The following STAT4 variants were observed in gnomAD, a reference collection of about 807,000 sequenced individuals.
STAT4 encodes signal transducer and activator of transcription 4.
Under a neutral mutation model 110.5 loss-of-function variants are expected in STAT4, and 42 were observed. The ratio of observed to expected loss-of-function variants is 0.38; its 90% confidence interval spans 0.30 to 0.49. The LOEUF (loss-of-function observed/expected upper bound fraction) is 0.49, where lower values mean the gene tolerates loss of function less well. Ranked by LOEUF, STAT4 falls within the 20% of genes least tolerant of loss-of-function variation. The pLI, the probability that STAT4 is intolerant of heterozygous loss-of-function variation, is 0.95. For missense variants in STAT4, 632 were observed against 887.9 expected, an observed-to-expected ratio of 0.71 and a Z score of 3.66; for synonymous variants, 284 against 302.2, an observed-to-expected ratio of 0.94 and a Z score of 0.63.
intron 3 of STAT4, among the ~76,000 whole-genome samples, chr2:191,108,722 TG>T (rs1698347006): frequency 2.0e-5 from 3 of 152,364 alleles, no homozygotes; most frequent in South Asian, 2.1e-4. Context: ...GTGCATGCTC[TG>T]GGACCGTGAT....
chr2:191,071,667 A>C (rs1192711864), intron 5 of STAT4, among the ~76,000 whole-genome samples: 1 of 152,216 alleles, frequency 6.6e-6, no homozygotes, highest in African/African-American at 2.4e-5. Flanking sequence ...ATGATCTGAG[A>C]GCTACATTCC....
rs1300939787 is a variant in STAT4, at chr2:191,107,239, A to C, written c.274-30914T>G. On this transcript the variant is annotated intron_variant, in intron 3 of 23. Coordinates refer to ENST00000392320, the MANE Select transcript of STAT4 (RefSeq NM_003151.4). The surrounding 1 kb of genome is among the most constrained non-coding windows in gnomAD (Gnocchi z 4.2). ...TCATTTTATCCCCAGGGTCAAACCT[A>C]GCATGCTGACCTCAATATGTACTTG... 2.0e-5 allele frequency among the ~76,000 whole-genome samples: 3 copies of C among 152,216 alleles called. No homozygotes were observed. Among genetic ancestry groups the C allele is most frequent in the Non-Finnish European group, 2.9e-5 (2 of 68,032 alleles).
chr2:191,108,871 A>T (rs1184466347), intron 3 of STAT4, among the ~76,000 whole-genome samples: 1 of 152,222 alleles, frequency 6.6e-6, no homozygotes, highest in Non-Finnish European at 1.5e-5. Context: ...TTCACTAACA[A>T]AACAGTTTTT....
intron 3 of STAT4, among the ~76,000 whole-genome samples, chr2:191,141,356 C>T (rs1205114280): frequency 2.0e-5 from 3 of 150,052 alleles, no homozygotes; most frequent in Non-Finnish European, 3.0e-5. Context: ...ATCTTACCCC[C>T]GTTAAAATGG....
rs1696797235 is a variant in STAT4, at chr2:191,059,651, C to A, written c.1035-882G>T. ...TCTACATAAAAGGAGGGAGTCCAGG[C>A]ACACAAATGGAAAACAGAGAATATG... On this transcript the variant is annotated intron_variant, in intron 10 of 23. Transcript: ENST00000392320. The surrounding 1 kb of genome is among the most constrained non-coding windows in gnomAD (Gnocchi z 4.7). 6.6e-6 allele frequency among the ~76,000 whole-genome samples: 1 copy of A among 152,158 alleles called. No homozygotes were observed. The highest frequency in any genetic ancestry group is 2.1e-4 in the South Asian group (1 of 4,824).
chr2:191,133,528 T>G (rs983319140), intron 3 of STAT4, among the ~76,000 whole-genome samples: 10 of 151,602 alleles, frequency 6.6e-5, no homozygotes, highest in African/African-American at 2.4e-4. Context: ...CATATATACA[T>G]GTATAAGGGG....
chr2:191,063,838 T>C (rs1032259998), intron 8 of STAT4, among the ~76,000 whole-genome samples: 1 of 152,228 alleles, frequency 6.6e-6, no homozygotes, highest in Non-Finnish European at 1.5e-5. Context: ...GTCAAACTCC[T>C]TACATTTCTT....
chr2:191,136,031 C>CAAAA (rs1419532476), intron 3 of STAT4, among the ~76,000 whole-genome samples: 1 of 124,300 alleles, frequency 8.0e-6, no homozygotes. Context: ...AACCAAAAAA[C>CAAAA]AAAAAACCAA....
rs1697800984 is a variant in STAT4, at chr2:191,091,727, G to A, written c.274-15402C>T. ...ATTTAATGAACTCTCAAAACTGTTTGTGATAAATGCTGTCATCCTGAGTAT... is the reference window on the plus strand; with the variant it reads ...ATTTAATGAACTCTCAAAACTGTTTATGATAAATGCTGTCATCCTGAGTAT... On this transcript the variant is annotated intron_variant, in intron 3 of 23. Transcript: ENST00000392320. The surrounding 1 kb of genome is among the most constrained non-coding windows in gnomAD (Gnocchi z 5.4). Among the ~76,000 whole-genome samples the A allele has an allele frequency of 6.6e-6, 1 of 152,128 alleles. No homozygotes were observed. Among genetic ancestry groups the A allele is most frequent in the Non-Finnish European group, 1.5e-5 (1 of 68,028 alleles).
intron 3 of STAT4, among the ~76,000 whole-genome samples, chr2:191,120,603 A>G (rs1698697549): frequency 6.6e-6 from 1 of 152,018 alleles, no homozygotes; most frequent in African/African-American, 2.4e-5. Context: ...ATTGGTCTAT[A>G]TCTCTGTTTT....
intron 3 of STAT4, among the ~76,000 whole-genome samples, chr2:191,141,549 A>T (rs906228850): frequency 2.0e-5 from 3 of 147,194 alleles, no homozygotes; most frequent in African/African-American, 7.4e-5. Flanking sequence ...TGATATATAT[A>T]TTTTTATATA....
chr2:191,145,401 C>T (rs1020292706), intron 3 of STAT4, among the ~76,000 whole-genome samples: 11 of 152,082 alleles, frequency 7.2e-5, no homozygotes, highest in African/African-American at 2.7e-4. Flanking sequence ...TGAAAATGGG[C>T]AGTGGCCTTT....
Position 191,054,492 on chromosome 2 carries a change from C to A in STAT4, c.1249G>T (p.Glu417Ter). ...MKSSAGGKGNEGCHMVTEELH... is the reference protein window; with the variant it reads ...MKSSAGGKGN ...CTATAGGAGAAAACATTTCCTACCT[C>A]ATTTCCTTTACCTCCAGCACTGGAC... is the stretch of plus-strand genomic sequence containing the variant. The change falls in exon 14 of 24, where the codon GAG becomes TAG. Residue 417 changes from glutamate (E) to a stop codon, truncating the protein, a stop_gained and splice_region_variant. Coordinates refer to ENST00000392320, the MANE Select transcript of STAT4 (RefSeq NM_003151.4). LOFTEE classifies it high-confidence loss of function. 1 of 1,611,030 alleles carries A rather than the reference C, an allele frequency of 6.2e-7. No homozygotes were observed. The highest frequency in any genetic ancestry group is 1.1e-5 in the South Asian group (1 of 90,126).
Position 191,090,616 on chromosome 2 carries a change from A to G in STAT4, c.274-14291T>C, listed in dbSNP as rs937048539. On this transcript the variant is annotated intron_variant, in intron 3 of 23. Transcript: ENST00000392320. This position sits in a 1 kb window ranked among gnomAD's most constrained non-coding sequence, Gnocchi z 4.2. ...GCTTCTGTTGCCCAGACTGGAGTGCAGTGGCGCGATCTCCGCCCACTGCAA... is the reference window on the plus strand; with the variant it reads ...GCTTCTGTTGCCCAGACTGGAGTGCGGTGGCGCGATCTCCGCCCACTGCAA... Among the ~76,000 whole-genome samples, 1 of 152,130 alleles carries G rather than the reference A, an allele frequency of 6.6e-6. No individual in the cohort carries two copies. Among genetic ancestry groups the G allele is most frequent in the Non-Finnish European group, 1.5e-5 (1 of 68,016 alleles).
rs994942737 is a variant in STAT4 at position 191,083,098 on chromosome 2, G to C, written c.274-6773C>G. Among the ~76,000 whole-genome samples the C allele has an allele frequency of 6.6e-6, 1 of 152,178 alleles. No homozygotes were observed. The highest frequency in any genetic ancestry group is 1.5e-5 in the Non-Finnish European group (1 of 68,034). ...ACCAAAGGGGATATAGGATTCTGAGGAAACACATAACCAACAACTGTCCTA... is the reference window on the plus strand; with the variant it reads ...ACCAAAGGGGATATAGGATTCTGAGCAAACACATAACCAACAACTGTCCTA... On this transcript the variant is annotated intron_variant, in intron 3 of 23. Coordinates refer to ENST00000392320, the MANE Select transcript of STAT4 (RefSeq NM_003151.4). The surrounding 1 kb of genome is among the most constrained non-coding windows in gnomAD (Gnocchi z 4.6).
intron 3 of STAT4, among the ~76,000 whole-genome samples, chr2:191,103,929 T>A (rs976035479): frequency 6.6e-6 from 1 of 152,186 alleles, no homozygotes; most frequent in Non-Finnish European, 1.5e-5. Context: ...CTTATCTACA[T>A]TTATCATCAC....
chr2:191,134,159 G>A (rs1699117351), intron 3 of STAT4, among the ~76,000 whole-genome samples: 1 of 152,140 alleles, frequency 6.6e-6, no homozygotes, highest in Non-Finnish European at 1.5e-5. Context: ...ACCACAGCTG[G>A]CACCCACCCA....
intron 3 of STAT4, among the ~76,000 whole-genome samples, chr2:191,088,539 T>A (rs1215613380): frequency 1.3e-5 from 2 of 152,176 alleles, no homozygotes; most frequent in African/African-American, 4.8e-5. Flanking sequence ...ATCTACAGAT[T>A]CCAATCAAAA....
At position 191,032,619 on chromosome 2, in the gene STAT4, T is replaced by A. The variant is rs1463973589; in HGVS notation, c.2044+339A>T. 1.3e-5 allele frequency among the ~76,000 whole-genome samples: 2 copies of A among 152,220 alleles called. No homozygotes were observed. Among genetic ancestry groups the A allele is most frequent in the African/African-American group, 4.8e-5 (2 of 41,452 alleles). ...AAGCTTCTCATCATTACCCCCTCTT[T>A]CTTTTCCTTTCCCTCAGTCATAGAC... On this transcript the variant is annotated intron_variant, in intron 21 of 23. Transcript: ENST00000392320. This position sits in a 1 kb window ranked among gnomAD's most constrained non-coding sequence, Gnocchi z 4.9.
Sources: gnomAD v4.1 joint callset for allele counts (sites outside exome capture counted in the v4.1 genomes callset) on GRCh38, gnomAD v4.1.1 for gene constraint, Gnocchi (gnomAD v3.1) non-coding constraint, MANE v1.5 for transcripts, NCBI Gene and HGNC (gene_info 2026-07-23, HGNC 2026-07-21) for gene names.